Variants in MYO15B observed in about 807,000 individuals in gnomAD.
The protein encoded by MYO15B is myosin XVB.
In MYO15B, 207 loss-of-function variants were observed where a neutral mutation model predicts 119.3. The ratio of observed to expected loss-of-function variants is 1.73; its 90% confidence interval spans 1.55 to 1.95. The LOEUF is 1.95. Ranked by LOEUF, MYO15B falls within the 30% of genes most tolerant of loss-of-function variation. The probability of loss-of-function intolerance (pLI) is 0.00; values close to 1 mark genes in which losing one functional copy is unlikely to be tolerated. For synonymous variants in MYO15B, 966 were observed against 498.9 expected, an observed-to-expected ratio of 1.94 and a Z score of -12.48; for missense variants, 2,264 against 1,203.1, an observed-to-expected ratio of 1.88 and a Z score of -13.04.
At chr17:75,602,274 A>G in intron 15 of MYO15B, 1 of 623,750 alleles carries the variant, frequency 1.6e-6, no homozygotes, top group Non-Finnish European at 2.9e-6. Context: ...CCTATTGACT[A>G]GCATAGGTTA....
intron 12 of MYO15B, 53 bp from the exon 13 acceptor site, chr17:75,596,407 G>A: frequency 2.9e-6 from 2 of 700,410 alleles, no homozygotes; most frequent in East Asian, 2.7e-5. Context: ...AAGCCTCTGG[G>A]GTGGGGGGAG....
chr17:75,594,705 C>T (rs965021426), exon 11 of MYO15B: 9 of 702,956 alleles, frequency 1.3e-5, no homozygotes, highest in South Asian at 3.0e-5. Flanking sequence ...CTCCAGGAGA[C>T]GCCCTATGGC....
intron 21 of MYO15B, among the ~76,000 whole-genome samples, chr17:75,609,485 ATTTTT>A (rs749247022): frequency 2.6e-5 from 2 of 77,996 alleles, no homozygotes; most frequent in African/African-American, 5.5e-5. Context: ...AAGGGAAATG[ATTTTT>A]TTTTTTTTTT....
chr17:75,594,077 G>A (rs1228117196), intron 9 of MYO15B, among the ~76,000 whole-genome samples: 2 of 127,220 alleles, frequency 1.6e-5, no homozygotes. Flanking sequence ...GTAACAGAGT[G>A]AGACCCTGTC....
chr17:75,589,633 C>CCAGT lies in MYO15B; in HGVS notation c.1578_1581dup (p.Pro528SerfsTer7), dbSNP rs2056313556. ...CCGCTCCCCGCAGGTCCCGACAAGCCCAGTCCCCGGCGACCCTTTTGATCA... is the reference window on the plus strand; with the variant it reads ...CCGCTCCCCGCAGGTCCCGACAAGCCCAGTCAGTCCCCGGCGACCCTTTTGATCA... On this transcript the variant is annotated frameshift_variant, in exon 1 of 64. Transcript: ENST00000645453. LOFTEE classifies it high-confidence loss of function. This position sits in a 1 kb window ranked among gnomAD's most constrained non-coding sequence, Gnocchi z 4.2. 2 of 399,004 alleles carry CCAGT rather than the reference C, an allele frequency of 5.0e-6. No individual in the cohort carries two copies. The highest frequency in any genetic ancestry group is 7.1e-5 in the East Asian group (2 of 28,080). The allele number at this position is 399,004 out of a possible 1,614,324, so 24.7% of individuals were successfully genotyped here.
At chr17:75,617,136 C>T in exon 41 of MYO15B, 1 of 686,006 alleles carries the variant, frequency 1.5e-6, no homozygotes, top group South Asian at 1.5e-5. Flanking sequence ...GGCTCCTCGA[C>T]CCAAGGCCCC....
intron 34 of MYO15B, 35 bp downstream of exon 34, chr17:75,615,373 CAGG>C (rs2058303762): frequency 2.9e-6 from 2 of 698,100 alleles, no homozygotes; most frequent in Non-Finnish European, 5.2e-6. Context: ...AGTCCCTTCT[CAGG>C]AGAGCAGCCA....
intron 21 of MYO15B, among the ~76,000 whole-genome samples, chr17:75,609,760 C>T (rs1376627168): frequency 1.4e-5 from 2 of 139,322 alleles, no homozygotes; most frequent in African/African-American, 2.6e-5. Flanking sequence ...GGCTGGAGTG[C>T]AATGGCGCGA....
exon 34 of MYO15B, chr17:75,615,277 A>C: frequency 1.4e-6 from 1 of 702,720 alleles, no homozygotes; most frequent in Non-Finnish European, 2.6e-6. Flanking sequence ...CATACCAGCC[A>C]GGCATGGTCC....
chr17:75,626,186 C>T, exon 63 of MYO15B: 5 of 703,086 alleles, frequency 7.1e-6, no homozygotes, highest in Non-Finnish European at 1.3e-5. Context: ...TCAACTATGG[C>T]TCAGCTGACA....
exon 7 of MYO15B, chr17:75,592,239 G>A (rs1159619136): frequency 1.1e-5 from 8 of 702,734 alleles, no homozygotes; most frequent in Non-Finnish European, 1.8e-5. Flanking sequence ...TGCCCACAGA[G>A]GGGTCATCGT....
At position 75,623,944 on chromosome 17, in the gene MYO15B, TG is replaced by T. The variant is rs1429895237; in HGVS notation, c.8157-4del. ...AGCCTGAAGCCCGAGCGCTCTGCCC[TG>T]CAGGGAACACTGCACTCGAGGCTGG... On this transcript the variant is annotated splice_polypyrimidine_tract_variant and splice_region_variant and intron_variant, in intron 54 of 63. Coordinates refer to ENST00000645453, the Ensembl canonical transcript of MYO15B. 1.4e-6 allele frequency: 1 copy of T among 702,980 alleles called. No homozygotes were observed. Among genetic ancestry groups the T allele is most frequent in the Non-Finnish European group, 2.6e-6 (1 of 384,990 alleles). The allele number at this position is 702,980 out of a possible 1,614,324, so 43.5% of individuals were successfully genotyped here.
exon 44 of MYO15B, chr17:75,619,212 C>T (rs769106712): frequency 1.9e-5 from 13 of 702,694 alleles, no homozygotes; most frequent in Non-Finnish European, 3.1e-5. Flanking sequence ...AATGAAAGAC[C>T]TGCTGGGTAT....
exon 35 of MYO15B, chr17:75,615,537 C>G (rs779398556): frequency 1.4e-6 from 1 of 700,968 alleles, no homozygotes; most frequent in South Asian, 1.5e-5. Context: ...CGCTTCCCAG[C>G]CTGGATGCAG....
exon 46 of MYO15B, chr17:75,619,743 G>A (rs1188317746): frequency 1.4e-6 from 1 of 702,800 alleles, no homozygotes; most frequent in Non-Finnish European, 2.6e-6. Flanking sequence ...GACTGCTCAA[G>A]GTGACCCAAG....
chr17:75,625,880 T>C (rs1189606019), exon 62 of MYO15B: 1 of 702,760 alleles, frequency 1.4e-6, no homozygotes, highest in Non-Finnish European at 2.6e-6. Flanking sequence ...GGCTACACCG[T>C]CTATGGGGTG....
rs539506406 is a variant in MYO15B, at chr17:75,594,827, G to A, written c.3165-13G>A. The stretch of plus-strand genomic sequence containing the variant: ...ACGGCTCTATGTGGCTCACCCACCC[G>A]CCATGCCTACAGGGACGCCCTGGCC... On this transcript the variant is annotated splice_polypyrimidine_tract_variant and intron_variant, in intron 11 of 63. Transcript: ENST00000645453. 5.5e-5 allele frequency: 39 copies of A among 702,920 alleles called. No individual in the cohort carries two copies. Among genetic ancestry groups the A allele is most frequent in the South Asian group, 4.4e-4 (30 of 67,602 alleles). 43.5% of individuals were successfully genotyped at this position (702,920 alleles called of 1,614,324 possible). A position where few individuals can be genotyped will look rare whatever the true frequency, so the allele number is the denominator to read the frequency against.
rs1363500486 is a variant in MYO15B at position 75,615,066 on chromosome 17, C to T, written c.5641+24C>T. 4.3e-6 allele frequency: 3 copies of T among 699,182 alleles called. No homozygotes were observed. In the African/African-American group the frequency reaches 5.2e-5, roughly 12 times the overall value. The allele number at this position is 699,182 out of a possible 1,614,324, so 43.3% of individuals were successfully genotyped here. A position where few individuals can be genotyped will look rare whatever the true frequency, so the allele number is the denominator to read the frequency against. ...GGGTGAGTGAGGGGCTGATTCCTCA[C>T]CCAGGGCCTCCGGGCCCGGCAGCAT... On this transcript the variant is annotated intron_variant, in intron 33 of 63. Transcript: ENST00000645453.
exon 40 of MYO15B, chr17:75,616,957 C>T (rs1568203659): frequency 4.3e-6 from 3 of 702,792 alleles, no homozygotes; most frequent in East Asian, 2.7e-5. Context: ...CACTCGTCCC[C>T]GCCGGTGAGC....
Sources: gnomAD v4.1 joint callset for allele counts (sites outside exome capture counted in the v4.1 genomes callset) on GRCh38, gnomAD v4.1.1 for gene constraint, Gnocchi (gnomAD v3.1) non-coding constraint, MANE v1.5 for transcripts, NCBI Gene and HGNC (gene_info 2026-07-23, HGNC 2026-07-21) for gene names.